The following CDH10 variants were observed in gnomAD, a reference collection of about 807,000 sequenced individuals.
CDH10 encodes the protein cadherin-10.
In CDH10, 30 loss-of-function variants were observed where a neutral mutation model predicts 73.1. The ratio of observed to expected loss-of-function variants is 0.41; its 90% CI spans 0.31 to 0.56. The LOEUF (loss-of-function observed/expected upper bound fraction) is 0.56, where lower values mean the gene tolerates loss of function less well. CDH10 is among the 20% of genes least tolerant of loss of function. The pLI, the probability that CDH10 is intolerant of heterozygous loss-of-function variation, is 0.27. For missense variants in CDH10, 815 were observed against 973.7 expected, an observed-to-expected ratio of 0.84 and a Z score of 2.17; for synonymous variants, 345 against 348.2, an observed-to-expected ratio of 0.99 and a Z score of 0.10.
At chr5:24,555,749 A>G (rs1249463995) in intron 2 of CDH10, among the ~76,000 whole-genome samples, 1 of 152,162 alleles carries the variant, frequency 6.6e-6, no homozygotes, top group Non-Finnish European at 1.5e-5. Context: ...TGAAATATAA[A>G]TTAATCTGAG....
At chr5:24,587,437 G>C (rs892414006) in intron 2 of CDH10, among the ~76,000 whole-genome samples, 1 of 152,134 alleles carries the variant, frequency 6.6e-6, no homozygotes, top group African/African-American at 2.4e-5. Context: ...AAGAAAATGA[G>C]AGAGCTCTGG....
intron 1 of CDH10, among the ~76,000 whole-genome samples, chr5:24,605,296 GAGCCTGTGACCAAGCATT>G (rs1368878014): frequency 1.3e-5 from 2 of 152,220 alleles, no homozygotes; most frequent in Non-Finnish European, 2.9e-5. Context: ...AGGAGGTGAG[GAGCCTGTGACCAAGCATT>G]AGCACCTGAG....
intron 2 of CDH10, among the ~76,000 whole-genome samples, chr5:24,551,757 G>A (rs1274920687): frequency 6.6e-6 from 1 of 152,038 alleles, no homozygotes; most frequent in African/African-American, 2.4e-5. Flanking sequence ...TGTCTGGTAT[G>A]CCCATCATCT....
chr5:24,565,377 A>G (rs1745131161), intron 2 of CDH10, among the ~76,000 whole-genome samples: 1 of 152,180 alleles, frequency 6.6e-6, no homozygotes, highest in Admixed American at 6.5e-5. Flanking sequence ...TGGAAACTGA[A>G]CTCTAACATA....
intron 2 of CDH10, among the ~76,000 whole-genome samples, chr5:24,572,563 A>C (rs1407555059): frequency 3.3e-5 from 5 of 152,102 alleles, no homozygotes; most frequent in Non-Finnish European, 7.3e-5. Context: ...ACACTATCTT[A>C]TTTAGAAAAA....
At chr5:24,494,985 G>A (rs987076997) in intron 9 of CDH10, among the ~76,000 whole-genome samples, 3 of 151,928 alleles carry the variant, frequency 2.0e-5, no homozygotes, top group Admixed American at 2.0e-4. Context: ...ATTACTTCTA[G>A]TGTTCAATTT....
intron 5 of CDH10, among the ~76,000 whole-genome samples, chr5:24,522,047 T>G (rs1487433190): frequency 3.3e-5 from 5 of 151,960 alleles, no homozygotes; most frequent in Non-Finnish European, 7.4e-5. Flanking sequence ...GACAGGAGAA[T>G]CACTTGAACC....
intron 1 of CDH10, among the ~76,000 whole-genome samples, chr5:24,604,871 TAA>T (rs71576696): frequency 1.3e-3 from 153 of 116,314 alleles, no homozygotes; most frequent in African/African-American, 6.0e-3. Context: ...AAGATGTCTC[TAA>T]AAAAAAAAAA....
At chr5:24,569,131 C>T (rs1438152435) in intron 2 of CDH10, among the ~76,000 whole-genome samples, 1 of 151,486 alleles carries the variant, frequency 6.6e-6, no homozygotes, top group Non-Finnish European at 1.5e-5. Context: ...AGAAAGGGTT[C>T]CTGAGACATG....
intron 2 of CDH10, among the ~76,000 whole-genome samples, chr5:24,560,849 T>C (rs1744934753): frequency 1.3e-5 from 2 of 152,244 alleles, no homozygotes; most frequent in African/African-American, 4.8e-5. Context: ...TGTTACTCTG[T>C]GGTGTTTTAC....
chr5:24,516,906 AT>A (rs1198377020), intron 5 of CDH10, among the ~76,000 whole-genome samples: 1 of 151,948 alleles, frequency 6.6e-6, no homozygotes, highest in Non-Finnish European at 1.5e-5. Flanking sequence ...AAAAAAATAC[AT>A]AACTCTTGCT....
intron 1 of CDH10, among the ~76,000 whole-genome samples, chr5:24,642,338 T>A (rs1748081285): frequency 6.6e-6 from 1 of 152,106 alleles, no homozygotes; most frequent in African/African-American, 2.4e-5. Flanking sequence ...CCAGATAGTA[T>A]ATACTTTGCC....
chr5:24,526,319 G>T (rs570800160), intron 5 of CDH10, among the ~76,000 whole-genome samples: 1 of 152,026 alleles, frequency 6.6e-6, no homozygotes, highest in Admixed American at 6.6e-5. Context: ...CCATATACAT[G>T]ATTTCTCTTA....
chr5:24,563,299 C>A (rs1325714357), intron 2 of CDH10, among the ~76,000 whole-genome samples: 1 of 152,142 alleles, frequency 6.6e-6, no homozygotes, highest in Middle Eastern at 3.4e-3. Flanking sequence ...AGGATTATCA[C>A]AGAAACGGTG....
intron 2 of CDH10, among the ~76,000 whole-genome samples, chr5:24,586,498 A>T (rs935348505): frequency 5.5e-5 from 7 of 128,214 alleles, no homozygotes; most frequent in East Asian, 2.5e-4. Flanking sequence ...GGAGTGGTGC[A>T]TTGGGGCAAT....
chr5:24,626,666 C>T lies in CDH10; in HGVS notation c.-124+17928G>A, dbSNP rs111455095. On this transcript the variant is annotated intron_variant, in intron 1 of 11. Coordinates refer to ENST00000264463, the MANE Select transcript of CDH10 (RefSeq NM_006727.5). ...TGGCATACACCTGTAATCCCAGCTA[C>T]TCGGGAGACTGAGGCATGAATCACT... is the stretch of plus-strand genomic sequence containing the variant. Among the ~76,000 whole-genome samples the T allele has an allele frequency of 7.8e-3, 1,182 of 151,814 alleles. 13 individuals are homozygous for T. Among genetic ancestry groups the T allele is most frequent in the African/African-American group, 0.027 (1,128 of 41,392 alleles).
At chr5:24,498,369 T>C (rs894203122) in intron 9 of CDH10, 29 bp downstream of exon 9, 3 of 1,518,226 alleles carry the variant, frequency 2.0e-6, no homozygotes, top group Non-Finnish European at 2.7e-6. Flanking sequence ...TTAAAATCTT[T>C]CCAGAGTTTT....
At chr5:24,507,206 T>C (rs955213863) in intron 7 of CDH10, among the ~76,000 whole-genome samples, 1 of 151,968 alleles carries the variant, frequency 6.6e-6, no homozygotes, top group Non-Finnish European at 1.5e-5. Flanking sequence ...TTTTTAAATA[T>C]ATATATTCTA....
At chr5:24,563,854 T>G (rs1745063961) in intron 2 of CDH10, among the ~76,000 whole-genome samples, 2 of 151,886 alleles carry the variant, frequency 1.3e-5, no homozygotes, top group Admixed American at 1.3e-4. Context: ...AATCAATCAA[T>G]TAATAAATTA....
Sources: gnomAD v4.1 joint callset for allele counts (sites outside exome capture counted in the v4.1 genomes callset) on GRCh38, gnomAD v4.1.1 for gene constraint, MANE v1.5 for transcripts, NCBI Gene and HGNC (gene_info 2026-07-23, HGNC 2026-07-21) for gene names.